Variants in SOX5 observed in about 807,000 individuals in gnomAD.
SOX5 encodes SRY-box transcription factor 5.
In SOX5, 9 loss-of-function variants were observed where a neutral mutation model predicts 92.0. The observed-to-expected ratio is 0.10, with a 90% CI of 0.06 to 0.17. SOX5 has a LOEUF of 0.17. Among genes scored for constraint, SOX5 ranks in the 10% least tolerant of loss-of-function variants. The probability of loss-of-function intolerance (pLI) is 1.00; values close to 1 mark genes in which losing one functional copy is unlikely to be tolerated. For synonymous variants in SOX5, 344 were observed against 336.3 expected, an observed-to-expected ratio of 1.02 and a Z score of -0.25; for missense variants, 642 against 944.5, an observed-to-expected ratio of 0.68 and a Z score of 4.20.
At chr12:24,011,409 T>C (rs984544946) in intron 4 of SOX5, among the ~76,000 whole-genome samples, 2 of 152,254 alleles carry the variant, frequency 1.3e-5, no homozygotes, top group Admixed American at 1.3e-4. Context: ...ACCAAAATTG[T>C]AGATGAGCCC....
chr12:23,985,176 T>A (rs1417696339), intron 4 of SOX5, among the ~76,000 whole-genome samples: 2 of 152,120 alleles, frequency 1.3e-5, no homozygotes, highest in African/African-American at 4.8e-5. Flanking sequence ...ATAAAAATGG[T>A]TATATATTCT....
chr12:24,183,905 T>G (rs1357519507), intron 4 of SOX5, among the ~76,000 whole-genome samples: 3 of 152,204 alleles, frequency 2.0e-5, no homozygotes, highest in Non-Finnish European at 2.9e-5. Flanking sequence ...CGCCTTCAAT[T>G]AATTTGTGAG....
At chr12:23,824,870 CA>C (rs2096199137) in intron 3 of SOX5, among the ~76,000 whole-genome samples, 1 of 152,204 alleles carries the variant, frequency 6.6e-6, no homozygotes, top group Non-Finnish European at 1.5e-5. Context: ...AATTTTCCGG[CA>C]GCTTTGTTTA....
intron 4 of SOX5, among the ~76,000 whole-genome samples, chr12:23,982,745 AATTT>A (rs1225250625): frequency 2.6e-5 from 4 of 152,044 alleles, no homozygotes; most frequent in African/African-American, 9.7e-5. Context: ...TAATTTTAAT[AATTT>A]ATTTAACCTA....
rs1957461112 is a variant in SOX5, at chr12:24,050,472, A to G, written c.-1-154448T>C. On this transcript the variant is annotated intron_variant, in intron 4 of 4. Transcript: ENST00000446891. ...TTTACTTTGATTACTTAAAAAAACT[A>G]CGATAGGCAAAGAATACTTAGAGTA... is the stretch of plus-strand genomic sequence containing the variant. Among the ~76,000 whole-genome samples the G allele has an allele frequency of 2.0e-5, 3 of 152,192 alleles. No individual in the cohort carries two copies. In the South Asian group the frequency reaches 6.2e-4, roughly 32 times the overall value.
At chr12:24,387,639 G>A (rs1958564667) in intron 1 of SOX5, among the ~76,000 whole-genome samples, 1 of 152,114 alleles carries the variant, frequency 6.6e-6, no homozygotes, top group Non-Finnish European at 1.5e-5. Flanking sequence ...CATCTTTCAT[G>A]AAAGATGACG....
intron 3 of SOX5, among the ~76,000 whole-genome samples, chr12:24,220,825 C>G (rs1960227230): frequency 6.6e-6 from 1 of 152,186 alleles, no homozygotes; most frequent in African/African-American, 2.4e-5. Context: ...TAACCAAACT[C>G]ATAGAGTCAG....
chr12:24,456,839 C>T (rs1943072637), intron 1 of SOX5, among the ~76,000 whole-genome samples: 1 of 152,206 alleles, frequency 6.6e-6, no homozygotes, highest in Non-Finnish European at 1.5e-5. Context: ...AAATAAAAAT[C>T]AACAATGCTA....
intron 2 of SOX5, among the ~76,000 whole-genome samples, chr12:24,286,105 C>T (rs1403162855): frequency 1.3e-5 from 2 of 152,052 alleles, no homozygotes; most frequent in East Asian, 1.9e-4. Flanking sequence ...CAGAAGAAAA[C>T]ATTTGCTTTA....
intron 1 of SOX5, among the ~76,000 whole-genome samples, chr12:23,906,461 C>T (rs1188337963): frequency 6.6e-6 from 1 of 152,194 alleles, no homozygotes; most frequent in Admixed American, 6.5e-5. Context: ...TTTCCCCCTT[C>T]TCAAGGGAGG....
intron 1 of SOX5, among the ~76,000 whole-genome samples, chr12:24,370,815 G>C (rs1184740969): frequency 1.1e-4 from 17 of 152,204 alleles, no homozygotes. Flanking sequence ...CAAAATGACT[G>C]GTTTCCTAAC....
rs562443720 is a variant in SOX5, at chr12:24,086,691, T to C, written c.-2+126652A>G. 1.1e-4 allele frequency among the ~76,000 whole-genome samples: 16 copies of C among 152,144 alleles called. No individual in the cohort carries two copies. The South Asian group carries it at 3.3e-3, about 32-fold the overall frequency. ...ACTTCTAGTAACTATATTCTTTCTA[T>C]GGAGTTTGAGTGGTCTGAAGGCCCA... On this transcript the variant is annotated intron_variant, in intron 4 of 4. Transcript: ENST00000446891.
At chr12:23,808,706 T>G (rs1390203489) in intron 3 of SOX5, among the ~76,000 whole-genome samples, 1 of 152,148 alleles carries the variant, frequency 6.6e-6, no homozygotes, top group Non-Finnish European at 1.5e-5. Flanking sequence ...ACTTGCTGTT[T>G]AACAGTCTTA....
intron 2 of SOX5, among the ~76,000 whole-genome samples, chr12:24,320,258 T>C (rs866800864): frequency 1.3e-5 from 2 of 152,368 alleles, no homozygotes; most frequent in Middle Eastern, 6.8e-3. Context: ...TATAAAATGT[T>C]CCCTCCTAGT....
At chr12:24,069,939 C>G (rs893812664) in intron 4 of SOX5, among the ~76,000 whole-genome samples, 34 of 152,156 alleles carry the variant, frequency 2.2e-4, no homozygotes, top group African/African-American at 7.7e-4. Flanking sequence ...TAGCCATTTA[C>G]TACTGCACCT....
chr12:23,633,579 T>C (rs555513503), intron 8 of SOX5, among the ~76,000 whole-genome samples: 2 of 152,040 alleles, frequency 1.3e-5, no homozygotes, highest in Admixed American at 6.6e-5. Flanking sequence ...TCATTGGCTC[T>C]TGGAGGTAAA....
At chr12:24,335,972 C>CATATATCATATATATATATATATATATAT (rs1951830296) in intron 2 of SOX5, among the ~76,000 whole-genome samples, 2 of 58,612 alleles carry the variant, frequency 3.4e-5, no homozygotes, top group African/African-American at 1.3e-4. Context: ...GAAATGCTAT[C>CATATATCATATATATATATATATATATAT]ATATATATAT....
intron 3 of SOX5, among the ~76,000 whole-genome samples, chr12:23,799,337 A>G (rs1227002180): frequency 1.3e-5 from 2 of 152,092 alleles, no homozygotes; most frequent in Non-Finnish European, 2.9e-5. Flanking sequence ...CCATTAATTC[A>G]TATGATGTGA....
At chr12:23,810,422 A>G (rs1215909678) in intron 3 of SOX5, among the ~76,000 whole-genome samples, 1 of 152,198 alleles carries the variant, frequency 6.6e-6, no homozygotes, top group Non-Finnish European at 1.5e-5. Flanking sequence ...ATGCAGGCTC[A>G]GATCTTGGCA....
Sources: allele counts gnomAD v4.1 joint callset (sites outside exome capture counted in the v4.1 genomes callset), GRCh38; gene constraint gnomAD v4.1.1; transcripts MANE v1.5; gene names NCBI Gene and HGNC (gene_info 2026-07-23, HGNC 2026-07-21).